Variants in HERC2 observed in about 807,000 individuals in gnomAD.
HERC2 encodes E3 ubiquitin-protein ligase HERC2.
Under a neutral mutation model 537.7 loss-of-function variants are expected in HERC2, and 102 were observed. The observed-to-expected ratio is 0.19, with a 90% CI of 0.16 to 0.22. The LOEUF (loss-of-function observed/expected upper bound fraction) is 0.22, where lower values mean the gene tolerates loss of function less well. HERC2 is among the 10% of genes least tolerant of loss of function. The pLI is 1.00. For synonymous variants in HERC2, 2,224 were observed against 2,466.2 expected (o/e 0.90, Z 2.91); for missense variants, 4,236 against 6,198.2 (o/e 0.68, Z 10.63).
rs140153389 is a variant in HERC2, at chr15:28,117,116, G to A, written c.13311C>T (p.Pro4437=). The A allele has an allele frequency of 4.3e-5, 69 of 1,613,948 alleles. No individual in the cohort carries two copies. The highest frequency in any genetic ancestry group is 5.2e-5 in the Non-Finnish European group (61 of 1,180,016). ...GCCCAAAGACAGACTTGGTGCCGTC[G>A]GGGCCGGCCAGCCCGCCTTTGCTCC... ...RSRSKGGLAG[P]DGTKSVFGQM... is the part of the protein sequence containing the mutation. The change falls in exon 87 of 93, where the codon CCC becomes CCT. Residue 4437 remains proline (P), a synonymous_variant. Transcript: ENST00000261609.
intron 52 of HERC2, among the ~76,000 whole-genome samples, chr15:28,194,210 C>G (rs1361931516): frequency 6.6e-6 from 1 of 150,440 alleles, no homozygotes; most frequent in Non-Finnish European, 1.5e-5. Flanking sequence ...GGACTACAGG[C>G]GCCCGCCACC....
rs561884330 is a variant in HERC2, at chr15:28,231,170, A to G, written c.4676-670T>C. On this transcript the variant is annotated intron_variant, in intron 30 of 92. Coordinates refer to ENST00000261609, the MANE Select transcript of HERC2 (RefSeq NM_004667.6). ...AATTTTTGGTCTAAATCTCCTCAGC[A>G]TATAATATAAAAAATAAGCAACATG... Among the ~76,000 whole-genome samples, 5 of 152,276 alleles carry G rather than the reference A, an allele frequency of 3.3e-5. No individual in the cohort carries two copies. In the East Asian group the frequency reaches 5.8e-4, roughly 18 times the overall value.
In HERC2 at chr15:28,133,897, T is replaced by A. The variant is rs140479764; in HGVS notation, c.12231-1067A>T. 1.4e-3 allele frequency among the ~76,000 whole-genome samples: 206 copies of A among 152,346 alleles called. 2 individuals carry two copies. The South Asian group carries it at 0.034, about 25-fold the overall frequency. ...CCATGCTGTTTACTGCAGCTATAAATGAGGCTTAAGTCAGGTAGTGCAAAT... is the reference window on the plus strand; with the variant it reads ...CCATGCTGTTTACTGCAGCTATAAAAGAGGCTTAAGTCAGGTAGTGCAAAT... On this transcript the variant is annotated intron_variant, in intron 79 of 92. Coordinates refer to ENST00000261609, the MANE Select transcript of HERC2 (RefSeq NM_004667.6).
intron 55 of HERC2, 150 bp downstream of exon 55, chr15:28,190,815 T>G: frequency 1.6e-6 from 1 of 631,502 alleles, no homozygotes; most frequent in Non-Finnish European, 2.8e-6. Flanking sequence ...ACAAAATAAG[T>G]TGTATCTTTT....
At chr15:28,302,599 ATGGC>A (rs2141219648) in intron 2 of HERC2, among the ~76,000 whole-genome samples, 1 of 116,120 alleles carries the variant, frequency 8.6e-6, no homozygotes, top group South Asian at 3.7e-4. Context: ...AATCTCCATA[ATGGC>A]TGTGCTAATT....
At chr15:28,224,166 CAG>C (rs1555431548) in intron 35 of HERC2, among the ~76,000 whole-genome samples, 2 of 147,654 alleles carry the variant, frequency 1.4e-5, no homozygotes, top group African/African-American at 5.2e-5. Context: ...CACACACACA[CAG>C]AGAGAGAGAG....
chr15:28,229,614 A>C lies in HERC2; in HGVS notation c.4984-18T>G. 6.2e-7 allele frequency: 1 copy of C among 1,602,906 alleles called. No homozygotes were observed. The highest frequency in any genetic ancestry group is 8.5e-7 in the Non-Finnish European group (1 of 1,171,360). On this transcript the variant is annotated intron_variant, in intron 32 of 92. Transcript: ENST00000261609. ...CTCTCCAACTGCAAAATATCAATGC[A>C]TACAGTTAAGTGTTATGTATATTAC... is the stretch of plus-strand genomic sequence containing the variant.
rs923429006 is a variant in HERC2, at chr15:28,122,274, G to A, written c.13189-845C>T. 5.9e-5 allele frequency among the ~76,000 whole-genome samples: 9 copies of A among 152,230 alleles called. No individual in the cohort carries two copies. Among genetic ancestry groups the A allele is most frequent in the Admixed American group, 2.6e-4 (4 of 15,288 alleles). ...CCCGTGGGGAAAGGGCAGAGGATGC[G>A]GCACGCAGCCGTGCCAATGGAAAGG... On this transcript the variant is annotated intron_variant, in intron 85 of 92. Coordinates refer to ENST00000261609, the MANE Select transcript of HERC2 (RefSeq NM_004667.6). The surrounding 1 kb of genome is among the most constrained non-coding windows in gnomAD (Gnocchi z 4.1).
rs1399823173 is a variant in HERC2 at position 28,198,565 on chromosome 15, G to C, written c.7885+36C>G. 1.9e-6 allele frequency: 3 copies of C among 1,608,418 alleles called. No individual in the cohort carries two copies. In the African/African-American group the frequency reaches 4.0e-5, roughly 22 times the overall value. On this transcript the variant is annotated intron_variant, in intron 49 of 92. Coordinates refer to ENST00000261609, the MANE Select transcript of HERC2 (RefSeq NM_004667.6). ...TCATTTAAGGGAATTTTGTCTCTAA[G>C]AAAAAACAAAAGCACTGAACAAAGA... is the stretch of plus-strand genomic sequence containing the variant.
chr15:28,213,697 G>T (rs1381452585), intron 42 of HERC2, 45 bp downstream of exon 42: 1 of 1,612,602 alleles, frequency 6.2e-7, no homozygotes, highest in Non-Finnish European at 8.5e-7. Flanking sequence ...CTAGTGTAAA[G>T]TCAATTTCCC....
At chr15:28,120,077 T>C (rs574561697) in intron 86 of HERC2, among the ~76,000 whole-genome samples, 13 of 152,258 alleles carry the variant, frequency 8.5e-5, no homozygotes, top group African/African-American at 3.1e-4. Flanking sequence ...GCAGAAGCCA[T>C]CAGCTGGCCT....
intron 5 of HERC2, among the ~76,000 whole-genome samples, chr15:28,279,756 T>G (rs1344833543): frequency 4.6e-5 from 7 of 151,956 alleles, no homozygotes; most frequent in Non-Finnish European, 1.0e-4. Context: ...AAGGTTACAA[T>G]GAGCTATGAT....
Position 28,111,704 on chromosome 15 carries a change from AG to A in HERC2, c.*58del. ...ACACCAGGCAGCCTACAGTCTACACAGCAGCGAGCGCTCTGCTGCCTGGCTC... is the reference window on the plus strand; with the variant it reads ...ACACCAGGCAGCCTACAGTCTACACACAGCGAGCGCTCTGCTGCCTGGCTC... On this transcript the variant is annotated 3_prime_UTR_variant, in exon 93 of 93. Coordinates refer to ENST00000261609, the MANE Select transcript of HERC2 (RefSeq NM_004667.6). 1 of 1,561,932 alleles carries A rather than the reference AG, an allele frequency of 6.4e-7. No individual in the cohort carries two copies. Among genetic ancestry groups the A allele is most frequent in the Non-Finnish European group, 8.8e-7 (1 of 1,140,990 alleles).
At chr15:28,196,146 A>T in intron 52 of HERC2, 69 bp downstream of exon 52, 1 of 1,381,506 alleles carries the variant, frequency 7.2e-7, no homozygotes, top group Non-Finnish European at 1.0e-6. Context: ...AAATTCCAAT[A>T]CACTGTGGTC....
At chr15:28,117,253 C>G in intron 86 of HERC2, 99 bp from the exon 87 acceptor site, 1 of 1,173,574 alleles carries the variant, frequency 8.5e-7, no homozygotes, top group Non-Finnish European at 1.3e-6. Flanking sequence ...GAGGAGGCAC[C>G]GTGCATGGGC....
intron 69 of HERC2, among the ~76,000 whole-genome samples, chr15:28,155,592 C>T (rs567066104): frequency 0.028 from 3,969 of 139,968 alleles, 379 homozygotes; most frequent in African/African-American, 0.13. Flanking sequence ...TCATATCCTT[C>T]GCCCACTTGT....
intron 83 of HERC2, among the ~76,000 whole-genome samples, chr15:28,129,293 A>G (rs1372366173): frequency 6.6e-6 from 1 of 152,184 alleles, no homozygotes; most frequent in Non-Finnish European, 1.5e-5. Context: ...AACCAGGAGC[A>G]AGCTTCCAGA....
chr15:28,306,211 T>C (rs2076783491), intron 2 of HERC2, among the ~76,000 whole-genome samples: 1 of 152,246 alleles, frequency 6.6e-6, no homozygotes, highest in South Asian at 2.1e-4. Flanking sequence ...GTGTCAGCTG[T>C]ATATGGCTTT....
At chr15:28,286,601 G>A (rs2076164069) in intron 4 of HERC2, among the ~76,000 whole-genome samples, 1 of 152,118 alleles carries the variant, frequency 6.6e-6, no homozygotes, top group Middle Eastern at 3.4e-3. Context: ...GCAACAAACG[G>A]GAACTTCATC....
Sources: gnomAD v4.1 joint callset for allele counts (sites outside exome capture counted in the v4.1 genomes callset) on GRCh38, gnomAD v4.1.1 for gene constraint, Gnocchi (gnomAD v3.1) non-coding constraint, MANE v1.5 for transcripts, NCBI Gene and HGNC (gene_info 2026-07-23, HGNC 2026-07-21) for gene names.